The following AACS variants were observed in gnomAD, a reference collection of about 807,000 sequenced individuals.
The protein encoded by AACS is acetoacetyl-CoA synthetase.
AACS carries 69 observed loss-of-function variants against 83.1 expected under a neutral mutation model. The ratio of observed to expected loss-of-function variants is 0.83; its 90% CI spans 0.68 to 1.01. The LOEUF is 1.01. AACS is among the 50% of genes least tolerant of loss of function. AACS has a pLI of 0.00. For missense variants in AACS, 866 were observed against 882.2 expected (o/e 0.98, Z 0.23); for synonymous variants, 333 against 343.4 (o/e 0.97, Z 0.33).
intron 13 of AACS, chr12:125,128,831 G>A (rs182047025): frequency 6.5e-6 from 1 of 154,138 alleles, no homozygotes; most frequent in East Asian, 1.9e-4. Context: ...GATTTGTAAT[G>A]GAAAACAAAA....
rs559622308 is a variant in AACS, at chr12:125,097,524, G to A, written c.571-5155G>A. 2.8e-4 allele frequency among the ~76,000 whole-genome samples: 43 copies of A among 151,536 alleles called. No individual in the cohort carries two copies. The highest frequency in any genetic ancestry group is 5.0e-4 in the Non-Finnish European group (34 of 67,884). ...TTCCCTTGTCCCCCACCCGCCCGCC[G>A]TGAACTTTGCTGAGGGGCAGAGGAA... On this transcript the variant is annotated intron_variant, in intron 5 of 17. Transcript: ENST00000316519. This position sits in a 1 kb window ranked among gnomAD's most constrained non-coding sequence, Gnocchi z 4.3.
At chr12:125,066,987 T>TTTCCTGC (rs1427927077) in intron 1 of AACS, among the ~76,000 whole-genome samples, 2 of 152,274 alleles carry the variant, frequency 1.3e-5, no homozygotes, top group South Asian at 2.1e-4. Context: ...AGTGGTTGGT[T>TTTCCTGC]TTCCTGCTTC....
intron 3 of AACS, among the ~76,000 whole-genome samples, chr12:125,083,465 C>G (rs1941382891): frequency 6.6e-6 from 1 of 152,138 alleles, no homozygotes; most frequent in African/African-American, 2.4e-5. Context: ...ACTGTCCCTT[C>G]CCATTTGTAC....
intron 5 of AACS, chr12:125,101,568 T>G (rs1240447118): frequency 6.6e-6 from 1 of 152,206 alleles, no homozygotes; most frequent in Non-Finnish European, 1.5e-5. Flanking sequence ...AAGATGAATC[T>G]TCTTTTGTAT....
Position 125,097,679 on chromosome 12 carries a change from C to G in AACS, c.571-5000C>G, listed in dbSNP as rs1015280081. 6.6e-6 allele frequency among the ~76,000 whole-genome samples: 1 copy of G among 152,172 alleles called. No homozygotes were observed. Among genetic ancestry groups the G allele is most frequent in the Non-Finnish European group, 1.5e-5 (1 of 68,030 alleles). ...CTGTGCATCCTGAGAGCACTTCAGC[C>G]TTCCTTCCCCCTGTCCAGTCAGCAC... On this transcript the variant is annotated intron_variant, in intron 5 of 17. Transcript: ENST00000316519. This position sits in a 1 kb window ranked among gnomAD's most constrained non-coding sequence, Gnocchi z 4.3.
In AACS at chr12:125,118,864, G is replaced by A. The variant is rs1175703608; in HGVS notation, c.1121+99G>A. Reference sequence around the variant, plus strand: ...GCTGTGCCTGCCTTCTACCGTGGTCGGGGCGTCTCCAGCATGCTCTGCCTT... The same window carrying A: ...GCTGTGCCTGCCTTCTACCGTGGTCAGGGCGTCTCCAGCATGCTCTGCCTT... On this transcript the variant is annotated intron_variant, in intron 10 of 17. Transcript: ENST00000316519. 9 of 1,499,464 alleles carry A rather than the reference G, an allele frequency of 6.0e-6. No individual in the cohort carries two copies. In the Admixed American group the frequency reaches 6.3e-5, roughly 10 times the overall value. 92.9% of individuals were successfully genotyped at this position (1,499,464 alleles called of 1,614,324 possible). A position where few individuals can be genotyped will look rare whatever the true frequency, so the allele number is the denominator to read the frequency against.
At chr12:125,085,584 C>G (rs1263527439) in intron 3 of AACS, among the ~76,000 whole-genome samples, 1 of 152,232 alleles carries the variant, frequency 6.6e-6, no homozygotes, top group Admixed American at 6.5e-5. Flanking sequence ...GTCGCATCCA[C>G]GTCTGTTTCG....
At chr12:125,101,402 T>G (rs1003340817) in intron 5 of AACS, 3 of 152,336 alleles carry the variant, frequency 2.0e-5, no homozygotes, top group African/African-American at 7.2e-5. Context: ...GATCCTGCCT[T>G]TTAAGATGGG....
intron 3 of AACS, among the ~76,000 whole-genome samples, chr12:125,085,865 G>C (rs1956327469): frequency 6.6e-6 from 1 of 152,142 alleles, no homozygotes; most frequent in Non-Finnish European, 1.5e-5. Context: ...GCTCAGGCTG[G>C]AGGTCAGTGG....
In AACS at chr12:125,076,419, T is replaced by C; in HGVS notation, c.238-72T>C. On this transcript the variant is annotated intron_variant, in intron 2 of 17. Transcript: ENST00000316519. ...GAACCACTTTTGCTGATTTGTGACATAGTCTCATGTTTTGCTGATCTGTAG... is the reference window on the plus strand; with the variant it reads ...GAACCACTTTTGCTGATTTGTGACACAGTCTCATGTTTTGCTGATCTGTAG... 2.6e-6 allele frequency: 4 copies of C among 1,567,434 alleles called. No individual in the cohort carries two copies. The Admixed American group carries it at 7.3e-5, about 28-fold the overall frequency.
rs756116570 is a variant in AACS, at chr12:125,129,426, C to T, written c.1515C>T (p.Asn505=). ...ACTTCTGGAACGATGAGAACGGCAA[C>T]AAGTACAGGAAGGCGTATTTCTCCA... The part of the protein sequence containing the change: ...PTHFWNDENG[N]KYRKAYFSKF... Residue 505 remains asparagine, a synonymous_variant, in exon 14 of 18, where the codon AAC becomes AAT. Transcript: ENST00000316519. This position sits in a 1 kb window ranked among gnomAD's most constrained non-coding sequence, Gnocchi z 4.3. 11 of 1,613,864 alleles carry T rather than the reference C, an allele frequency of 6.8e-6. No homozygotes were observed. The highest frequency in any genetic ancestry group is 2.7e-5 in the African/African-American group (2 of 74,876).
At chr12:125,090,224 C>T (rs375208213) in intron 4 of AACS, among the ~76,000 whole-genome samples, 227 of 10,486 alleles carry the variant, frequency 0.022, 91 homozygotes, top group Middle Eastern at 0.029. Flanking sequence ...TCTATCCATC[C>T]ATTTATTATG....
At chr12:125,110,918 G>A (rs1253157515) in intron 8 of AACS, among the ~76,000 whole-genome samples, 1 of 152,198 alleles carries the variant, frequency 6.6e-6, no homozygotes, top group Non-Finnish European at 1.5e-5. Flanking sequence ...AGGAGCCAAT[G>A]TGGTTTCATC....
chr12:125,103,159 C>A (rs2136093746), intron 7 of AACS, 78 bp downstream of exon 7: 1 of 1,279,474 alleles, frequency 7.8e-7, no homozygotes, highest in Non-Finnish European at 1.1e-6. Flanking sequence ...TCTGGATCTT[C>A]TACTTGGGGT....
intron 9 of AACS, among the ~76,000 whole-genome samples, chr12:125,114,806 G>A (rs544712648): frequency 4.1e-4 from 61 of 148,212 alleles, no homozygotes; most frequent in Non-Finnish European, 5.4e-4. Context: ...GCGCCGGCCC[G>A]TGGCACATGG....
intron 3 of AACS, 35 bp downstream of exon 3, chr12:125,076,646 G>C: frequency 6.2e-7 from 1 of 1,612,554 alleles, no homozygotes; most frequent in Non-Finnish European, 8.5e-7. Context: ...GATTTCCTCC[G>C]TGGAAGTTCT....
Position 125,102,760 on chromosome 12 carries a change from A to G in AACS, c.652A>G (p.Asn218Asp), listed in dbSNP as rs749583023. ...TGTTGTCTATAATGGCAAAGAGCACAACCACATGGAAAAGCTGCAGCAGGT... is the reference window on the plus strand; with the variant it reads ...TGTTGTCTATAATGGCAAAGAGCACGACCACATGGAAAAGCTGCAGCAGGT... Reference protein sequence around the residue: ...EAVVYNGKEHNHMEKLQQVVK... With the variant: ...EAVVYNGKEHDHMEKLQQVVK... Residue 218 changes from asparagine to aspartate, a missense_variant, in exon 6 of 18, where the codon AAC (asparagine) becomes GAC (aspartate). Physicochemically the swap from Asn to Asp is conservative, Grantham distance 23. Transcript: ENST00000316519. 6.2e-7 allele frequency: 1 copy of G among 1,614,180 alleles called. No individual in the cohort carries two copies. The highest frequency in any genetic ancestry group is 2.2e-5 in the East Asian group (1 of 44,884).
intron 3 of AACS, among the ~76,000 whole-genome samples, chr12:125,084,904 A>C (rs1956296362): frequency 1.3e-5 from 2 of 152,100 alleles, no homozygotes; most frequent in Non-Finnish European, 2.9e-5. Context: ...TTTTTTGTAG[A>C]GTCTCACTAT....
At position 125,140,041 on chromosome 12, in the gene AACS, T is replaced by C. The variant is rs1049947953; in HGVS notation, c.1882-2051T>C. 1 of 152,204 alleles carries C rather than the reference T, an allele frequency of 6.6e-6. No individual in the cohort carries two copies. The allele number at this position is 152,204 out of a possible 1,614,324, so 9.4% of individuals were successfully genotyped here. ...AGGGGTGTCCATAGTCAGCTCTGCC[T>C]TCTGCTCACCCAGAATAAAGACCTG... On this transcript the variant is annotated intron_variant, in intron 17 of 17. Transcript: ENST00000316519. This position sits in a 1 kb window ranked among gnomAD's most constrained non-coding sequence, Gnocchi z 5.1.
Sources: gnomAD v4.1 joint callset for allele counts (sites outside exome capture counted in the v4.1 genomes callset) on GRCh38, gnomAD v4.1.1 for gene constraint, Gnocchi (gnomAD v3.1) non-coding constraint, MANE v1.5 for transcripts, NCBI Gene and HGNC (gene_info 2026-07-23, HGNC 2026-07-21) for gene names.